The following MROH9 variants were observed in gnomAD, a reference collection of about 807,000 sequenced individuals.
The protein encoded by MROH9 is maestro heat like repeat family member 9, also known as maestro heat-like repeat-containing protein family member 9.
Under a neutral mutation model 98.2 loss-of-function variants are expected in MROH9, and 92 were observed. The ratio of observed to expected loss-of-function variants is 0.94; its 90% CI spans 0.79 to 1.11. The LOEUF (loss-of-function observed/expected upper bound fraction) is 1.11, where lower values mean the gene tolerates loss of function less well. MROH9 is among the 50% of genes most tolerant of loss of function. The pLI, the probability that MROH9 is intolerant of heterozygous loss-of-function variation, is 0.00. For missense variants in MROH9, 1,057 were observed against 1,014.8 expected (o/e 1.04, Z -0.57); for synonymous variants, 397 against 368.9 (o/e 1.08, Z -0.87).
intron 20 of MROH9, among the ~76,000 whole-genome samples, chr1:171,029,525 G>T (rs948997236): frequency 6.6e-6 from 1 of 152,096 alleles, no homozygotes; most frequent in Non-Finnish European, 1.5e-5. Flanking sequence ...TTTATCAAAC[G>T]CCTTTTCTGC....
chr1:170,959,360 G>A, intron 4 of MROH9, 102 bp from the exon 5 acceptor site: 1 of 1,107,848 alleles, frequency 9.0e-7, no homozygotes. Context: ...GGGTGACAGA[G>A]CGAGACTCTG....
Position 171,062,177 on chromosome 1 carries a change from T to A in MROH9, c.2327T>A (p.Ile776Asn), listed in dbSNP as rs914847797. 1.3e-6 allele frequency: 2 copies of A among 1,549,718 alleles called. No individual in the cohort carries two copies. The highest frequency in any genetic ancestry group is 1.7e-6 in the Non-Finnish European group (2 of 1,145,364). ...GGTCATTTACTGCTTAGAGATGAAA[T>A]CGAAGTCATGCTTGATGGTGAGTAT... ...SGGHLLLRDEIEVMLDVIERL... is the reference protein window; with the variant it reads ...SGGHLLLRDENEVMLDVIERL... Residue 776 changes from isoleucine to asparagine, a missense_variant, in exon 21 of 22, where the codon ATC becomes AAC. Coordinates refer to ENST00000367759, the MANE Select transcript of MROH9 (RefSeq NM_001163629.2).
chr1:170,969,833 C>T (rs1017368250), intron 7 of MROH9, among the ~76,000 whole-genome samples: 6 of 152,008 alleles, frequency 3.9e-5, no homozygotes, highest in African/African-American at 1.4e-4. Flanking sequence ...GGTAGATTTT[C>T]TATAAAGGCA....
intron 7 of MROH9, among the ~76,000 whole-genome samples, chr1:170,971,181 G>A (rs1202050578): frequency 6.6e-6 from 1 of 152,146 alleles, no homozygotes; most frequent in African/African-American, 2.4e-5. Flanking sequence ...GGTTGAAGAA[G>A]TTGTAGAAAG....
At position 171,064,260 on chromosome 1, in the gene MROH9, C is replaced by T; in HGVS notation, c.2506C>T (p.Leu836Phe). 6.4e-7 allele frequency: 1 copy of T among 1,551,386 alleles called. No homozygotes were observed. Among genetic ancestry groups the T allele is most frequent in the Non-Finnish European group, 8.7e-7 (1 of 1,146,858 alleles). The change falls in exon 22 of 22, where the codon CTT (leucine) becomes TTT (phenylalanine). Residue 836 changes from leucine to phenylalanine, a missense_variant. Transcript: ENST00000367759. Reference sequence around the variant, plus strand: ...ATTCTACATCAAAAAATTGAAGCCTCTTTACAATTATAACTCACCCAATGG... The same window carrying T: ...ATTCTACATCAAAAAATTGAAGCCTTTTTACAATTATAACTCACCCAATGG... ...KLFYIKKLKPLYNYNSPNGQI... is the reference protein window; with the variant it reads ...KLFYIKKLKPFYNYNSPNGQI...
At chr1:171,033,423 G>A (rs895280852) in intron 20 of MROH9, among the ~76,000 whole-genome samples, 2 of 152,208 alleles carry the variant, frequency 1.3e-5, no homozygotes, top group African/African-American at 4.8e-5. Context: ...CCAATCCGTG[G>A]GTTGCACAGT....
At chr1:171,047,182 C>A (rs1052972585) in intron 20 of MROH9, among the ~76,000 whole-genome samples, 1 of 152,156 alleles carries the variant, frequency 6.6e-6, no homozygotes, top group South Asian at 2.1e-4. Flanking sequence ...ATTCCACAAC[C>A]TTTTTGTACT....
Position 170,959,130 on chromosome 1 carries a change from C to G in MROH9, c.153-332C>G, listed in dbSNP as rs190553409. ...GTGGCTCACACCTCTAATCCCAGCACTTTGGGAGGCTGAGGCGGGCGGATC... is the reference window on the plus strand; with the variant it reads ...GTGGCTCACACCTCTAATCCCAGCAGTTTGGGAGGCTGAGGCGGGCGGATC... On this transcript the variant is annotated intron_variant, in intron 4 of 21. Coordinates refer to ENST00000367759, the MANE Select transcript of MROH9 (RefSeq NM_001163629.2). Among the ~76,000 whole-genome samples, 170 of 152,230 alleles carry G rather than the reference C, an allele frequency of 1.1e-3. 1 individual carries two copies. Among genetic ancestry groups the G allele is most frequent in the African/African-American group, 3.9e-3 (163 of 41,534 alleles).
At chr1:170,939,614 C>T (rs1649038856) in intron 1 of MROH9, among the ~76,000 whole-genome samples, 1 of 152,148 alleles carries the variant, frequency 6.6e-6, no homozygotes, top group South Asian at 2.1e-4. Flanking sequence ...ATGTAATTTA[C>T]TTGTGCCTTC....
At chr1:170,992,567 G>C (rs1437124188) in intron 12 of MROH9, among the ~76,000 whole-genome samples, 1 of 152,190 alleles carries the variant, frequency 6.6e-6, no homozygotes, top group Non-Finnish European at 1.5e-5. Context: ...ATGGTATAAA[G>C]CTTAAAAGAG....
At chr1:170,990,236 C>A (rs1273947025) in intron 11 of MROH9, among the ~76,000 whole-genome samples, 1 of 152,168 alleles carries the variant, frequency 6.6e-6, no homozygotes, top group Non-Finnish European at 1.5e-5. Flanking sequence ...AAGATATGAC[C>A]AATGTCACTA....
At chr1:170,936,487 T>A (rs1413866047) in intron 1 of MROH9, among the ~76,000 whole-genome samples, 3 of 152,170 alleles carry the variant, frequency 2.0e-5, no homozygotes, top group Admixed American at 2.0e-4. Flanking sequence ...TCTCCTATCA[T>A]CAGAACACCA....
chr1:171,055,190 A>G (rs936118447), intron 20 of MROH9, among the ~76,000 whole-genome samples: 1 of 152,216 alleles, frequency 6.6e-6, no homozygotes, highest in South Asian at 2.1e-4. Context: ...ATTAAAAAGG[A>G]ATGAAATAAT....
chr1:170,958,437 T>C lies in MROH9; in HGVS notation c.73-24T>C, dbSNP rs773721106. 5 of 1,417,450 alleles carry C rather than the reference T, an allele frequency of 3.5e-6. No homozygotes were observed. In the Admixed American group the frequency reaches 5.8e-5, roughly 17 times the overall value. The allele number at this position is 1,417,450 out of a possible 1,614,324, so 87.8% of individuals were successfully genotyped here. A position where few individuals can be genotyped will look rare whatever the true frequency, so the allele number is the denominator to read the frequency against. ...TGTAATCATTAATTCTTCTTTTTTTTTTTTTTTTTAACATGGTACTTAGGC... is the reference window on the plus strand; with the variant it reads ...TGTAATCATTAATTCTTCTTTTTTTCTTTTTTTTTAACATGGTACTTAGGC... On this transcript the variant is annotated intron_variant, in intron 3 of 21. Coordinates refer to ENST00000367759, the MANE Select transcript of MROH9 (RefSeq NM_001163629.2).
In MROH9 at chr1:171,048,634, C is replaced by T. The variant is rs72712609; in HGVS notation, c.2282-13498C>T. Among the ~76,000 whole-genome samples the T allele has an allele frequency of 7.4e-3, 1,130 of 152,282 alleles. 10 individuals are homozygous for T. Among genetic ancestry groups the T allele is most frequent in the Non-Finnish European group, 0.012 (832 of 68,016 alleles). ...GGATCCCAAGAGCCCACTTGATGCT[C>T]TGCCCCCTGTAACTGTGCTGGGATC... On this transcript the variant is annotated intron_variant, in intron 20 of 21. Transcript: ENST00000367759.
chr1:170,956,597 T>C (rs1462253674), intron 3 of MROH9, among the ~76,000 whole-genome samples: 1 of 34,464 alleles, frequency 2.9e-5, no homozygotes, highest in Non-Finnish European at 1.1e-4. Flanking sequence ...TTTTTTTTGT[T>C]TTTTTTTTTT....
intron 7 of MROH9, 146 bp downstream of exon 7, chr1:170,965,401 C>T: frequency 1.8e-6 from 1 of 551,594 alleles, no homozygotes; most frequent in Non-Finnish European, 3.3e-6. Flanking sequence ...GAAAAGGAGT[C>T]AATATCCCAC....
rs750550050 is a variant in MROH9 at position 170,992,328 on chromosome 1, C to T, written c.1193C>T (p.Ala398Val). ...GATATTACCAACTTGATGCCTTTGG[C>T]GGTAAATAACACGATGAGTGTTTCT... ...SLDITNLMPL[A>V]ACQALCTFLP... The change falls in exon 12 of 22, where the codon GCG (alanine) becomes GTG (valine). Residue 398 changes from alanine to valine, a missense_variant and splice_region_variant. Coordinates refer to ENST00000367759, the MANE Select transcript of MROH9 (RefSeq NM_001163629.2). 1.1e-4 allele frequency: 171 copies of T among 1,611,048 alleles called. No homozygotes were observed. Among genetic ancestry groups the T allele is most frequent in the Non-Finnish European group, 1.3e-4 (154 of 1,178,588 alleles).
chr1:170,938,734 G>C (rs903788228), intron 1 of MROH9, among the ~76,000 whole-genome samples: 14 of 152,234 alleles, frequency 9.2e-5, no homozygotes, highest in African/African-American at 3.4e-4. Context: ...CATATCCAGG[G>C]TAAGTGTCTA....
Sources: gnomAD v4.1 joint callset for allele counts (sites outside exome capture counted in the v4.1 genomes callset) on GRCh38, gnomAD v4.1.1 for gene constraint, MANE v1.5 for transcripts, NCBI Gene and HGNC (gene_info 2026-07-23, HGNC 2026-07-21) for gene names.